The following CDKL5 variants were observed in gnomAD, a reference collection of about 807,000 sequenced individuals.
CDKL5 encodes the protein cyclin dependent kinase like 5.
A neutral mutation model predicts 61.7 loss-of-function variants in CDKL5; 8 were observed. That is an observed-to-expected ratio of 0.13 (90% confidence interval 0.08 to 0.23). The LOEUF (loss-of-function observed/expected upper bound fraction) is 0.23. Among genes scored for constraint, CDKL5 ranks in the 10% least tolerant of loss-of-function variants. CDKL5 has a pLI of 1.00. For missense variants in CDKL5, 440 were observed against 734.5 expected (o/e 0.60, Z 4.63); for synonymous variants, 275 against 272.3 (o/e 1.01, Z -0.10).
chrX:18,621,536 G>A (rs1281233579), intron 16 of CDKL5, among the ~76,000 whole-genome samples: 1 of 111,614 alleles, frequency 9.0e-6, no homozygotes, highest in East Asian at 2.8e-4. Flanking sequence ...TGGCAAGAAG[G>A]TGGGGTTTTT....
intron 4 of CDKL5, among the ~76,000 whole-genome samples, chrX:18,567,910 C>G (rs948847563): frequency 1.8e-5 from 2 of 111,550 alleles, no homozygotes; most frequent in African/African-American, 6.5e-5. Flanking sequence ...CTACACCCAA[C>G]TTACCACACA....
intron 4 of CDKL5, among the ~76,000 whole-genome samples, chrX:18,569,168 C>T (rs1301718883): frequency 1.8e-5 from 2 of 111,736 alleles, no homozygotes; most frequent in South Asian, 3.7e-4. Flanking sequence ...GAGCTTACTT[C>T]ATTAGTTAAT....
At chrX:18,440,528 C>T (rs1248083042) in intron 1 of CDKL5, among the ~76,000 whole-genome samples, 1 of 111,692 alleles carries the variant, frequency 9.0e-6, no homozygotes, top group East Asian at 2.8e-4. Context: ...GACTGTAGCA[C>T]AATGGCACTA....
At chrX:18,481,525 G>GTC (rs1921574782) in intron 1 of CDKL5, among the ~76,000 whole-genome samples, 1 of 96,661 alleles carries the variant, frequency 1.0e-5, no homozygotes, top group African/African-American at 3.9e-5. Context: ...GCTAATTTTT[G>GTC]TATTTTTTTT....
intron 3 of CDKL5, among the ~76,000 whole-genome samples, chrX:18,532,137 A>G (rs1312689415): frequency 8.9e-6 from 1 of 112,435 alleles, no homozygotes; most frequent in Non-Finnish European, 1.9e-5. Flanking sequence ...ATATTCAGCA[A>G]GAGGTTTTTT....
At chrX:18,567,851 C>T (rs1349059506) in intron 4 of CDKL5, among the ~76,000 whole-genome samples, 2 of 111,800 alleles carry the variant, frequency 1.8e-5, no homozygotes, top group African/African-American at 6.5e-5. Context: ...TGCCACTGCA[C>T]TCCAGCCTAG....
chrX:18,619,733 T>A lies in CDKL5; in HGVS notation c.2277-134T>A, dbSNP rs183847980. 6 of 473,524 alleles carry A rather than the reference T, an allele frequency of 1.3e-5. No individual in the cohort carries two copies. In the Admixed American group the frequency reaches 2.3e-4, roughly 18 times the overall value. 39.0% of individuals were successfully genotyped at this position (473,524 alleles called of 1,213,427 possible). ...GTTCCTCCTGTGCTTTTTTAGAGGCTCTTTACCCAAGTGTTTGATTCTTCC... is the reference window on the plus strand; with the variant it reads ...GTTCCTCCTGTGCTTTTTTAGAGGCACTTTACCCAAGTGTTTGATTCTTCC... On this transcript the variant is annotated intron_variant, in intron 15 of 17. Transcript: ENST00000623535.
chrX:18,517,250 G>A (rs948944795), intron 3 of CDKL5, among the ~76,000 whole-genome samples: 15 of 110,830 alleles, frequency 1.4e-4, no homozygotes, highest in Non-Finnish European at 1.5e-4. Flanking sequence ...CTAAATCATC[G>A]TTTCCCCGCT....
intron 3 of CDKL5, among the ~76,000 whole-genome samples, chrX:18,520,781 TC>T (rs1483479749): frequency 8.9e-6 from 1 of 111,969 alleles, no homozygotes; most frequent in African/African-American, 3.2e-5. Flanking sequence ...AAAGTCTCAC[TC>T]TGTCGCCCAG....
At chrX:18,517,816 G>A (rs1482536325) in intron 3 of CDKL5, among the ~76,000 whole-genome samples, 1 of 111,672 alleles carries the variant, frequency 9.0e-6, no homozygotes, top group Non-Finnish European at 1.9e-5. Flanking sequence ...GACCAGCCTG[G>A]CCAACATGGT....
intron 1 of CDKL5, among the ~76,000 whole-genome samples, chrX:18,491,040 G>C (rs757270490): frequency 1.8e-5 from 2 of 111,935 alleles, no homozygotes; most frequent in East Asian, 2.8e-4. Flanking sequence ...ATCACCAGCT[G>C]TTTGGCCAGT....
intron 4 of CDKL5, among the ~76,000 whole-genome samples, chrX:18,565,868 T>C (rs1924953931): frequency 8.9e-6 from 1 of 111,847 alleles, no homozygotes; most frequent in African/African-American, 3.2e-5. Context: ...TCAAATGGGA[T>C]ATTTGTGGTC....
intron 1 of CDKL5, among the ~76,000 whole-genome samples, chrX:18,488,781 G>A (rs754261797): frequency 8.9e-6 from 1 of 111,745 alleles, no homozygotes; most frequent in Admixed American, 9.5e-5. Flanking sequence ...CTGAATGCTA[G>A]TTCAGGCCAT....
intron 3 of CDKL5, among the ~76,000 whole-genome samples, chrX:18,539,285 A>G (rs141283500): frequency 0.023 from 2,592 of 111,554 alleles, 76 homozygotes; most frequent in African/African-American, 0.079. Context: ...TCTTGAGAGA[A>G]GAATTTATCT....
At chrX:18,626,629 T>C (rs2147176973) in intron 17 of CDKL5, 1 of 103,874 alleles carries the variant, frequency 9.6e-6, no homozygotes, top group African/African-American at 3.6e-5. Context: ...TTTAGAACTT[T>C]CTTTGTGAAA....
chrX:18,452,945 T>C (rs943754292), intron 1 of CDKL5, among the ~76,000 whole-genome samples: 11 of 104,433 alleles, frequency 1.1e-4, no homozygotes, highest in Non-Finnish European at 1.8e-4. Flanking sequence ...ATTCTCGTGC[T>C]TCAACCTCCC....
At position 18,435,565 on chromosome X, in the gene CDKL5, AAATT is replaced by A. The variant is rs1294191640; in HGVS notation, c.-163+9883_-163+9886del. On this transcript the variant is annotated intron_variant, in intron 1 of 17. Coordinates refer to ENST00000623535, the MANE Select transcript of CDKL5 (RefSeq NM_001323289.2). ...AATGTAAGTAGGCCCTGCCCTCAAA[AAATT>A]AATTAATTAATTTTTGAGACAGAAT... 3.9e-3 allele frequency among the ~76,000 whole-genome samples: 437 copies of A among 110,827 alleles called. 2 individuals carry two copies. Among genetic ancestry groups the A allele is most frequent in the African/African-American group, 0.014 (420 of 30,417 alleles).
At chrX:18,652,201 C>T (rs911336225) in intron 21 of CDKL5, among the ~76,000 whole-genome samples, 30 of 111,307 alleles carry the variant, frequency 2.7e-4, no homozygotes, top group African/African-American at 9.5e-4. Context: ...GAACACACAC[C>T]ATCGCCCCAT....
Position 18,635,440 on chromosome X carries a change from C to G in CDKL5, c.*6683C>G. The G allele has an allele frequency of 1.3e-6, 1 of 753,720 alleles. No individual in the cohort carries two copies. The highest frequency in any genetic ancestry group is 1.6e-6 in the Non-Finnish European group (1 of 638,949). 62.1% of individuals were successfully genotyped at this position (753,720 alleles called of 1,213,427 possible). A position where few individuals can be genotyped will look rare whatever the true frequency, so the allele number is the denominator to read the frequency against. On this transcript the variant is annotated 3_prime_UTR_variant, in exon 18 of 18. Transcript: ENST00000623535. ...CCCAATCTTGAGCACTGTGGTCCTT[C>G]GTGTTTGAACTGCGAACAGCTCCAT...
Sources: allele counts gnomAD v4.1 joint callset (sites outside exome capture counted in the v4.1 genomes callset), GRCh38; gene constraint gnomAD v4.1.1; transcripts MANE v1.5; gene names NCBI Gene and HGNC (gene_info 2026-07-23, HGNC 2026-07-21).